Variants in RBFOX1 observed in about 807,000 individuals in gnomAD.
The protein encoded by RBFOX1 is RNA binding fox-1 homolog 1.
In RBFOX1, 8 loss-of-function variants were observed where a neutral mutation model predicts 57.7. The observed-to-expected ratio is 0.14, with a 90% CI of 0.08 to 0.25. The LOEUF is 0.25. RBFOX1 is among the 10% of genes least tolerant of loss of function. The pLI is 1.00. For missense variants in RBFOX1, 611 were observed against 548.5 expected, an observed-to-expected ratio of 1.11 and a Z score of -1.14; for synonymous variants, 326 against 222.4, an observed-to-expected ratio of 1.47 and a Z score of -4.15.
chr16:5,918,818 A>T (rs1036738323), intron 4 of RBFOX1, among the ~76,000 whole-genome samples: 1 of 152,200 alleles, frequency 6.6e-6, no homozygotes, highest in Non-Finnish European at 1.5e-5. Context: ...ACCTGCAACA[A>T]AGCAGGCTTG....
chr16:7,376,413 C>T (rs2097686863), intron 4 of RBFOX1, among the ~76,000 whole-genome samples: 1 of 152,178 alleles, frequency 6.6e-6, no homozygotes, highest in Non-Finnish European at 1.5e-5. Context: ...ATCCCCATTT[C>T]ACAGATGAGC....
intron 1 of RBFOX1, among the ~76,000 whole-genome samples, chr16:5,430,073 A>G (rs748915654): frequency 6.6e-6 from 1 of 152,186 alleles, no homozygotes; most frequent in East Asian, 1.9e-4. Flanking sequence ...CTCATTCATC[A>G]GTAAGTATTT....
rs1227969671 is a variant in RBFOX1, at chr16:5,946,867, A to G, written c.351+79532A>G. Among the ~76,000 whole-genome samples, 1 of 152,142 alleles carries G rather than the reference A, an allele frequency of 6.6e-6. No individual in the cohort carries two copies. The highest frequency in any genetic ancestry group is 2.4e-5 in the African/African-American group (1 of 41,418). On this transcript the variant is annotated intron_variant, in intron 4 of 19. Transcript: ENST00000641259. This position sits in a 1 kb window ranked among gnomAD's most constrained non-coding sequence, Gnocchi z 4.6. ...ATTGCTTGGTGTGAAATAAAACCCA[A>G]CACATATGAGTGTAGAGGTATGCTG... is the stretch of plus-strand genomic sequence containing the variant.
intron 3 of RBFOX1, among the ~76,000 whole-genome samples, chr16:6,700,845 GA>G (rs2061709230): frequency 6.6e-6 from 1 of 152,072 alleles, no homozygotes; most frequent in Non-Finnish European, 1.5e-5. Context: ...ATCTAGTAAT[GA>G]AAACTTGCAC....
rs141319348 is a variant in RBFOX1, at chr16:6,519,674, C to G, written c.-63-134929C>G. Among the ~76,000 whole-genome samples the G allele has an allele frequency of 4.4e-3, 669 of 152,274 alleles. 4 individuals carry two copies. Among genetic ancestry groups the G allele is most frequent in the South Asian group, 0.012 (57 of 4,824 alleles). ...TGAGATCACGCTACTGCACTGCAGT[C>G]TGGGTGACAAGAATGGAACTCTGTC... is the stretch of plus-strand genomic sequence containing the variant. On this transcript the variant is annotated intron_variant, in intron 2 of 15. Coordinates refer to ENST00000550418, the MANE Select transcript of RBFOX1 (RefSeq NM_018723.4).
intron 1 of RBFOX1, among the ~76,000 whole-genome samples, chr16:6,185,786 A>T (rs989768274): frequency 1.3e-5 from 2 of 152,208 alleles, no homozygotes; most frequent in Admixed American, 1.3e-4. Context: ...AAATTTTTTA[A>T]AAGTCTGTGA....
chr16:5,288,700 TG>T (rs1488305845), intron 1 of RBFOX1, among the ~76,000 whole-genome samples: 1 of 151,710 alleles, frequency 6.6e-6, no homozygotes, highest in African/African-American at 2.4e-5. Context: ...GAAAACTGCA[TG>T]TTTTTTGGTC....
chr16:6,923,169 C>T lies in RBFOX1; in HGVS notation c.-15-128888C>T, dbSNP rs117881286. ...TCCAGTGTGAGTCTGAGAATAAATA[C>T]CCTGGTCCCTGCTCCTGGTCTTCAG... On this transcript the variant is annotated intron_variant, in intron 3 of 15. Transcript: ENST00000550418. Among the ~76,000 whole-genome samples the T allele has an allele frequency of 9.4e-3, 1,431 of 152,234 alleles. 15 individuals carry two copies. Among genetic ancestry groups the T allele is most frequent in the Non-Finnish European group, 0.016 (1,077 of 68,008 alleles).
At chr16:6,104,432 A>T (rs1357133475) in intron 1 of RBFOX1, among the ~76,000 whole-genome samples, 1 of 152,200 alleles carries the variant, frequency 6.6e-6, no homozygotes, top group East Asian at 1.9e-4. Flanking sequence ...GGTTTTATAG[A>T]GGTATAATTT....
intron 3 of RBFOX1, among the ~76,000 whole-genome samples, chr16:6,737,498 CAGCT>C (rs1176812126): frequency 2.6e-5 from 4 of 152,202 alleles, no homozygotes; most frequent in Non-Finnish European, 5.9e-5. Context: ...ATGGCCAAAA[CAGCT>C]ACTACGTGGT....
intron 1 of RBFOX1, among the ~76,000 whole-genome samples, chr16:6,066,178 C>T (rs981042083): frequency 6.6e-6 from 1 of 151,610 alleles, no homozygotes; most frequent in Non-Finnish European, 1.5e-5. Flanking sequence ...CCTGTAGTCC[C>T]AGCTACTTGG....
intron 4 of RBFOX1, among the ~76,000 whole-genome samples, chr16:7,307,836 T>C (rs1314387338): frequency 6.6e-6 from 1 of 152,200 alleles, no homozygotes; most frequent in African/African-American, 2.4e-5. Context: ...TTGGAGCAAC[T>C]GGCTTCAATC....
chr16:6,298,007 G>C (rs1351120574), intron 1 of RBFOX1, among the ~76,000 whole-genome samples: 10 of 152,214 alleles, frequency 6.6e-5, no homozygotes, highest in Non-Finnish European at 1.2e-4. Flanking sequence ...AAGAGCTCAG[G>C]ATGCAGAAAG....
chr16:5,869,627 C>A (rs1458928152), intron 4 of RBFOX1, among the ~76,000 whole-genome samples: 1 of 152,112 alleles, frequency 6.6e-6, no homozygotes, highest in Non-Finnish European at 1.5e-5. Context: ...GTCTCTATCT[C>A]TTGACCACCT....
Position 5,955,346 on chromosome 16 carries a change from TAAAATAAATAAAAA to T in RBFOX1, c.351+88012_351+88025del, listed in dbSNP as rs2059611429. ...TAAAATAAAATAAAATAAAATAAAATAAAATAAATAAAAATAAAATAAAATAAAATAAAATAAAA... is the reference window on the plus strand; with the variant it reads ...TAAAATAAAATAAAATAAAATAAAATTAAAATAAAATAAAATAAAATAAAA... On this transcript the variant is annotated intron_variant, in intron 4 of 19. Coordinates refer to the RBFOX1 transcript ENST00000641259. 3.2e-3 allele frequency among the ~76,000 whole-genome samples: 87 copies of T among 27,310 alleles called. 4 individuals are homozygous for T. Among genetic ancestry groups the T allele is most frequent in the Admixed American group, 8.1e-3 (15 of 1,856 alleles). The allele number at this position is 27,310 out of a possible 152,430, so 17.9% of individuals were successfully genotyped here. A position where few individuals can be genotyped will look rare whatever the true frequency, so the allele number is the denominator to read the frequency against.
intron 4 of RBFOX1, among the ~76,000 whole-genome samples, chr16:7,298,963 A>G (rs924521757): frequency 2.8e-4 from 43 of 152,174 alleles, no homozygotes; most frequent in Admixed American, 3.9e-4. Context: ...TCACGAGTCA[A>G]CTGTATTTGC....
At chr16:6,722,110 C>T (rs998045807) in intron 3 of RBFOX1, 2 of 152,128 alleles carry the variant, frequency 1.3e-5, no homozygotes, top group African/African-American at 4.8e-5. Flanking sequence ...GGTATAAGCG[C>T]GGTTGCACAG....
At chr16:7,320,855 C>T (rs1396354529) in intron 4 of RBFOX1, among the ~76,000 whole-genome samples, 1 of 152,130 alleles carries the variant, frequency 6.6e-6, no homozygotes, top group Non-Finnish European at 1.5e-5. Flanking sequence ...GTTATTGCCC[C>T]AAATTTATAA....
At chr16:7,404,583 A>C in intron 4 of RBFOX1, among the ~76,000 whole-genome samples, 1 of 152,182 alleles carries the variant, frequency 6.6e-6, no homozygotes, top group East Asian at 1.9e-4. Flanking sequence ...AATGTAAATA[A>C]TTTACACCTG....
Sources: gnomAD v4.1 joint callset for allele counts (sites outside exome capture counted in the v4.1 genomes callset) on GRCh38, gnomAD v4.1.1 for gene constraint, Gnocchi (gnomAD v3.1) non-coding constraint, MANE v1.5 for transcripts, NCBI Gene and HGNC (gene_info 2026-07-23, HGNC 2026-07-21) for gene names.